The following VTI1A variants were observed in gnomAD, a reference collection of about 807,000 sequenced individuals.
VTI1A encodes the protein vesicle transport through interaction with t-SNAREs 1A.
A neutral mutation model predicts 34.9 loss-of-function variants in VTI1A; 22 were observed. That is an observed-to-expected ratio of 0.63 (90% CI 0.45 to 0.90). The LOEUF is 0.90. Among genes scored for constraint, VTI1A ranks in the 40% least tolerant of loss-of-function variants. VTI1A has a pLI of 0.00. For synonymous variants in VTI1A, 87 were observed against 97.3 expected, an observed-to-expected ratio of 0.89 and a Z score of 0.62; for missense variants, 268 against 275.6, an observed-to-expected ratio of 0.97 and a Z score of 0.20.
intron 7 of VTI1A, among the ~76,000 whole-genome samples, chr10:112,759,592 C>T (rs1368758019): frequency 6.6e-6 from 1 of 152,218 alleles, no homozygotes; most frequent in African/African-American, 2.4e-5. Flanking sequence ...AGCTTCTTTT[C>T]TCCAGTCTCC....
rs1340807021 is a variant in VTI1A at position 112,767,581 on chromosome 10, A to G, written c.561-47709A>G. ...AACTAATAACAACAGCATGGCACAT[A>G]CTGGAACAAAGGGGAGGAGAAACTC... On this transcript the variant is annotated intron_variant, in intron 7 of 7. Coordinates refer to ENST00000393077, the MANE Select transcript of VTI1A (RefSeq NM_145206.4). This position sits in a 1 kb window ranked among gnomAD's most constrained non-coding sequence, Gnocchi z 4.0. Among the ~76,000 whole-genome samples, 1 of 152,232 alleles carries G rather than the reference A, an allele frequency of 6.6e-6. No individual in the cohort carries two copies. The highest frequency in any genetic ancestry group is 1.5e-5 in the Non-Finnish European group (1 of 68,046).
At chr10:112,488,295 A>G (rs1329915419) in intron 3 of VTI1A, among the ~76,000 whole-genome samples, 1 of 152,236 alleles carries the variant, frequency 6.6e-6, no homozygotes. Flanking sequence ...TTCTAAGTAA[A>G]TATTTCTGAA....
intron 7 of VTI1A, among the ~76,000 whole-genome samples, chr10:112,675,997 C>T (rs1160189914): frequency 6.6e-6 from 1 of 152,048 alleles, no homozygotes; most frequent in African/African-American, 2.4e-5. Context: ...CAATGCCTGG[C>T]ACATAATAAA....
At chr10:112,665,661 C>T (rs896573939) in intron 5 of VTI1A, among the ~76,000 whole-genome samples, 1 of 152,154 alleles carries the variant, frequency 6.6e-6, no homozygotes, top group African/African-American at 2.4e-5. Context: ...TGTAGGTCCA[C>T]TCAGAGTAGA....
intron 7 of VTI1A, among the ~76,000 whole-genome samples, chr10:112,788,661 CAT>C (rs1459406418): frequency 1.3e-5 from 2 of 152,180 alleles, no homozygotes; most frequent in African/African-American, 2.4e-5. Context: ...TAACATTTAA[CAT>C]GTGATTTTTT....
At chr10:112,792,830 G>T (rs1852533300) in intron 7 of VTI1A, among the ~76,000 whole-genome samples, 1 of 152,204 alleles carries the variant, frequency 6.6e-6, no homozygotes, top group Admixed American at 6.5e-5. Context: ...TACGTAGGCT[G>T]CTCAACACCC....
intron 7 of VTI1A, among the ~76,000 whole-genome samples, chr10:112,698,810 T>G (rs1848886854): frequency 6.6e-6 from 1 of 152,234 alleles, no homozygotes; most frequent in African/African-American, 2.4e-5. Context: ...AGTCTGACTT[T>G]CCAGAGGTTC....
the VTI1A span, among the ~76,000 whole-genome samples, chr10:112,852,414 T>TAA: frequency 1.3e-5 from 2 of 152,204 alleles, no homozygotes; most frequent in Non-Finnish European, 2.9e-5. Flanking sequence ...CTGTATCTCT[T>TAA]TCACTTCCCA....
rs928789277 is a variant in VTI1A, at chr10:112,544,028, A to G, written c.427+5698A>G. Among the ~76,000 whole-genome samples the G allele has an allele frequency of 1.2e-4, 18 of 152,142 alleles. No homozygotes were observed. The East Asian group carries it at 3.5e-3, about 29-fold the overall frequency. ...ATTTCTGAGGGCTCTGTTCTGTTCCATTGGTCTATATCTCTGTTTTGGTAC... is the reference window on the plus strand; with the variant it reads ...ATTTCTGAGGGCTCTGTTCTGTTCCGTTGGTCTATATCTCTGTTTTGGTAC... On this transcript the variant is annotated intron_variant, in intron 5 of 7. Coordinates refer to ENST00000393077, the MANE Select transcript of VTI1A (RefSeq NM_145206.4).
At chr10:112,651,723 CT>C (rs1413016222) in intron 5 of VTI1A, among the ~76,000 whole-genome samples, 2 of 152,164 alleles carry the variant, frequency 1.3e-5, no homozygotes, top group Non-Finnish European at 2.9e-5. Context: ...TGAGTATACA[CT>C]TTCGGTGTGT....
chr10:112,618,512 T>TAGAGAGAGAGAGAGAG (rs1209394707), intron 5 of VTI1A, among the ~76,000 whole-genome samples: 43 of 37,894 alleles, frequency 1.1e-3, no homozygotes, highest in African/African-American at 1.5e-3. Flanking sequence ...TATATATATA[T>TAGAGAGAGAGAGAGAG]ATATATATAT....
At chr10:112,692,827 G>A (rs906527084) in intron 7 of VTI1A, among the ~76,000 whole-genome samples, 30 of 152,166 alleles carry the variant, frequency 2.0e-4, no homozygotes, top group Admixed American at 5.9e-4. Context: ...CATCACAGTG[G>A]GAACCACTGC....
Position 112,447,269 on chromosome 10 carries a change from T to C in VTI1A, c.-105T>C, listed in dbSNP as rs1028991701. The C allele has an allele frequency of 3.9e-6, 5 of 1,268,064 alleles. No individual in the cohort carries two copies. The highest frequency in any genetic ancestry group is 2.1e-5 in the Admixed American group (1 of 48,656). 78.6% of individuals were successfully genotyped at this position (1,268,064 alleles called of 1,614,324 possible). A position where few individuals can be genotyped will look rare whatever the true frequency, so the allele number is the denominator to read the frequency against. On this transcript the variant is annotated 5_prime_UTR_variant, in exon 1 of 8. Transcript: ENST00000393077. ...CTGTCCCCGGTTCTCCGTTCTGCTC[T>C]CGGGGGCACCTTCCGGGGTTCCTAA...
At chr10:112,840,662 G>A in the VTI1A span, among the ~76,000 whole-genome samples, 1 of 152,180 alleles carries the variant, frequency 6.6e-6, no homozygotes, top group Admixed American at 6.5e-5. Context: ...TCCAAACCCT[G>A]AGCTGTGAGG....
intron 7 of VTI1A, among the ~76,000 whole-genome samples, chr10:112,749,147 G>T (rs1851014754): frequency 6.6e-6 from 1 of 152,122 alleles, no homozygotes; most frequent in African/African-American, 2.4e-5. Context: ...CATGAACCAA[G>T]GACAACCACA....
intron 7 of VTI1A, among the ~76,000 whole-genome samples, chr10:112,780,307 A>AATAAATAAATAAATAC (rs1852085843): frequency 6.7e-6 from 1 of 149,710 alleles, no homozygotes; most frequent in South Asian, 2.1e-4. Context: ...TAAATAAATA[A>AATAAATAAATAAATAC]ATAAATAAAT....
chr10:112,458,071 T>C (rs967272855), intron 1 of VTI1A, among the ~76,000 whole-genome samples: 4 of 152,116 alleles, frequency 2.6e-5, no homozygotes, highest in Non-Finnish European at 5.9e-5. Context: ...TACCCTTGCT[T>C]TCAAGAAAAT....
intron 5 of VTI1A, among the ~76,000 whole-genome samples, chr10:112,553,237 G>C (rs906940761): frequency 1.3e-5 from 2 of 152,194 alleles, no homozygotes; most frequent in African/African-American, 4.8e-5. Flanking sequence ...AATGGAATGT[G>C]CCTGGAGCTT....
chr10:112,804,851 A>AT lies in VTI1A; in HGVS notation c.561-10412dup, dbSNP rs138471169. ...GAGGGCCGCCCTAGGTAGATTATAG[A>AT]TTTTTTTTTTTTTTTTTTTTTTTTT... On this transcript the variant is annotated intron_variant, in intron 7 of 7. Transcript: ENST00000393077. Among the ~76,000 whole-genome samples the AT allele has an allele frequency of 2.2e-3, 120 of 55,358 alleles. 5 individuals carry two copies. The highest frequency in any genetic ancestry group is 6.3e-3 in the African/African-American group (88 of 13,976). 36.3% of individuals were successfully genotyped at this position (55,358 alleles called of 152,430 possible).
Sources: allele counts gnomAD v4.1 joint callset (sites outside exome capture counted in the v4.1 genomes callset), GRCh38; gene constraint gnomAD v4.1.1; non-coding constraint Gnocchi (gnomAD v3.1); transcripts MANE v1.5; gene names NCBI Gene and HGNC (gene_info 2026-07-23, HGNC 2026-07-21).